DLGAP2: variants seen among roughly 807,000 people sequenced by gnomAD.
DLGAP2 encodes disks large-associated protein 2.
A neutral mutation model predicts 100.3 loss-of-function variants in DLGAP2; 26 were observed. The ratio of observed to expected loss-of-function variants is 0.26; its 90% CI spans 0.19 to 0.36. The LOEUF is 0.36. Among genes scored for constraint, DLGAP2 ranks in the 10% least tolerant of loss-of-function variants. DLGAP2 has a pLI of 1.00. For missense variants in DLGAP2, 1,858 were observed against 1,453.2 expected (o/e 1.28, Z -4.53); for synonymous variants, 886 against 630.1 (o/e 1.41, Z -6.08).
At chr8:1,284,594 A>C (rs1026391174) in intron 3 of DLGAP2, among the ~76,000 whole-genome samples, 1 of 151,796 alleles carries the variant, frequency 6.6e-6, no homozygotes, top group Non-Finnish European at 1.5e-5. Context: ...ATCACAACAC[A>C]TTTTTCCTAT....
chr8:759,018 A>G (rs1211066533), intron 1 of DLGAP2, among the ~76,000 whole-genome samples: 2 of 149,920 alleles, frequency 1.3e-5, no homozygotes, highest in Non-Finnish European at 1.5e-5. Flanking sequence ...CCCATTATCA[A>G]TACCCCTGAC....
intron 2 of DLGAP2, among the ~76,000 whole-genome samples, chr8:1,178,845 G>C (rs1488674546): frequency 6.6e-6 from 1 of 152,220 alleles, no homozygotes; most frequent in Non-Finnish European, 1.5e-5. Context: ...TCACAAGAGG[G>C]TGTGGGTGTG....
At chr8:860,379 G>T (rs1440714594) in intron 1 of DLGAP2, among the ~76,000 whole-genome samples, 2 of 152,230 alleles carry the variant, frequency 1.3e-5, no homozygotes, top group East Asian at 3.8e-4. Context: ...CTGCGGCTGA[G>T]AAATGAAAAC....
intron 2 of DLGAP2, among the ~76,000 whole-genome samples, chr8:1,128,841 T>C (rs1259577396): frequency 6.6e-6 from 1 of 152,194 alleles, no homozygotes; most frequent in Non-Finnish European, 1.5e-5. Context: ...TGGAAGTCTG[T>C]TCTTTACTAG....
intron 3 of DLGAP2, among the ~76,000 whole-genome samples, chr8:1,481,090 T>C (rs1311157612): frequency 3.9e-5 from 6 of 152,028 alleles, no homozygotes; most frequent in African/African-American, 9.7e-5. Flanking sequence ...GAGAATGGCG[T>C]GAACCTGGGA....
chr8:805,750 C>T (rs1162345741), intron 1 of DLGAP2, among the ~76,000 whole-genome samples: 2 of 152,236 alleles, frequency 1.3e-5, no homozygotes, highest in South Asian at 2.1e-4. Flanking sequence ...ACTCCTGAGC[C>T]CAAGCAGTCC....
intron 2 of DLGAP2, among the ~76,000 whole-genome samples, chr8:933,416 GC>G (rs1799004272): frequency 6.6e-6 from 1 of 150,436 alleles, no homozygotes; most frequent in African/African-American, 2.5e-5. Flanking sequence ...TGAGGGCAGA[GC>G]CTGCAGTGGA....
At chr8:1,245,134 C>T (rs922854649) in intron 2 of DLGAP2, among the ~76,000 whole-genome samples, 2 of 152,204 alleles carry the variant, frequency 1.3e-5, no homozygotes, top group African/African-American at 4.8e-5. Flanking sequence ...AACCTTCATA[C>T]ACGACCTTTG....
At chr8:1,608,095 AC>A (rs1476569999) in intron 6 of DLGAP2, among the ~76,000 whole-genome samples, 10 of 90,174 alleles carry the variant, frequency 1.1e-4, no homozygotes, top group Non-Finnish European at 2.1e-4. Flanking sequence ...CAGGGCACAG[AC>A]AAACAAAAAG....
chr8:1,091,429 C>G (rs1804178484), intron 2 of DLGAP2, among the ~76,000 whole-genome samples: 1 of 152,220 alleles, frequency 6.6e-6, no homozygotes, highest in Non-Finnish European at 1.5e-5. Flanking sequence ...AAGACGCTAA[C>G]TATTAAAAAC....
chr8:1,275,059 G>A (rs1799655500), intron 3 of DLGAP2, among the ~76,000 whole-genome samples: 1 of 152,160 alleles, frequency 6.6e-6, no homozygotes, highest in African/African-American at 2.4e-5. Context: ...CCACATTGGT[G>A]AAGGCTCCAG....
intron 3 of DLGAP2, among the ~76,000 whole-genome samples, chr8:1,418,343 T>C (rs776069861): frequency 6.6e-6 from 1 of 152,194 alleles, no homozygotes; most frequent in African/African-American, 2.4e-5. Flanking sequence ...ATATTCAACT[T>C]TAGATATTTA....
At chr8:1,460,555 A>G (rs1400417852) in intron 3 of DLGAP2, among the ~76,000 whole-genome samples, 1 of 152,122 alleles carries the variant, frequency 6.6e-6, no homozygotes, top group African/African-American at 2.4e-5. Context: ...GAGCATGGTG[A>G]CTCGACGGTC....
chr8:1,415,286 C>T (rs1483088184), intron 3 of DLGAP2, among the ~76,000 whole-genome samples: 2 of 152,076 alleles, frequency 1.3e-5, no homozygotes, highest in Admixed American at 6.6e-5. Flanking sequence ...TTCTCTAGTG[C>T]GTCTTTCTGA....
rs1348288489 is a variant in DLGAP2, at chr8:1,430,011, T to TATATATATATATATATATATATATAC, written c.107-71338_107-71337insTATATATACATATATATATATATATA. ...GGGGAGAGATGCATATATATACATA[T>TATATATATATATATATATATATATAC]ATATATATATATATATACACACACA... On this transcript the variant is annotated intron_variant, in intron 3 of 14. Coordinates refer to ENST00000637795, the MANE Select transcript of DLGAP2 (RefSeq NM_001346810.2). Among the ~76,000 whole-genome samples, 151 of 63,812 alleles carry TATATATATATATATATATATATATAC rather than the reference T, an allele frequency of 2.4e-3. 10 individuals are homozygous for TATATATATATATATATATATATATAC. The highest frequency in any genetic ancestry group is 6.5e-3 in the African/African-American group (117 of 18,042). The allele number at this position is 63,812 out of a possible 152,430, so 41.9% of individuals were successfully genotyped here.
chr8:1,328,680 C>T lies in DLGAP2; in HGVS notation c.106+69797C>T, dbSNP rs184908880. ...AGTTAATATTCTTAAATTTAGTGATCGTCATTATTCATTCTTTTTAAAAAC... is the reference window on the plus strand; with the variant it reads ...AGTTAATATTCTTAAATTTAGTGATTGTCATTATTCATTCTTTTTAAAAAC... On this transcript the variant is annotated intron_variant, in intron 3 of 14. Transcript: ENST00000637795. 1.3e-3 allele frequency among the ~76,000 whole-genome samples: 193 copies of T among 152,180 alleles called. 1 individual carries two copies. Among genetic ancestry groups the T allele is most frequent in the Non-Finnish European group, 2.0e-3 (136 of 68,012 alleles).
intron 2 of DLGAP2, among the ~76,000 whole-genome samples, chr8:966,521 C>G (rs1374404212): frequency 6.6e-6 from 1 of 152,030 alleles, no homozygotes; most frequent in Admixed American, 6.6e-5. Context: ...GCTTTCATAT[C>G]TTTTTTTTAA....
chr8:1,210,467 G>C (rs574604002), intron 2 of DLGAP2, among the ~76,000 whole-genome samples: 1 of 152,212 alleles, frequency 6.6e-6, no homozygotes, highest in Non-Finnish European at 1.5e-5. Context: ...TGTGTGGGGG[G>C]AAGGAGAGGG....
At chr8:827,282 A>T (rs1388370882) in intron 1 of DLGAP2, among the ~76,000 whole-genome samples, 1 of 152,232 alleles carries the variant, frequency 6.6e-6, no homozygotes, top group Non-Finnish European at 1.5e-5. Context: ...GAGATAATAT[A>T]ACCTTGATAT....
Sources: allele counts gnomAD v4.1 joint callset (sites outside exome capture counted in the v4.1 genomes callset), GRCh38; gene constraint gnomAD v4.1.1; transcripts MANE v1.5; gene names NCBI Gene and HGNC (gene_info 2026-07-23, HGNC 2026-07-21).